Variants in LIFR observed in about 807,000 individuals in gnomAD.
LIFR encodes the protein LIF receptor subunit alpha, also known as leukemia inhibitory factor receptor.
Under a neutral mutation model 122.2 loss-of-function variants are expected in LIFR, and 84 were observed. That is an observed-to-expected ratio of 0.69 (90% CI 0.58 to 0.82). LIFR has a LOEUF of 0.82. Among genes scored for constraint, LIFR ranks in the 40% least tolerant of loss-of-function variants. The pLI is 0.00. For missense variants in LIFR, 1,294 were observed against 1,311.6 expected, an observed-to-expected ratio of 0.99 and a Z score of 0.21; for synonymous variants, 422 against 434.7, an observed-to-expected ratio of 0.97 and a Z score of 0.36.
rs1743913953 is a variant in LIFR, at chr5:38,480,157, C to A, written c.*1438G>T. The A allele has an allele frequency of 1.7e-5, 4 of 228,934 alleles. No homozygotes were observed. Among genetic ancestry groups the A allele is most frequent in the Non-Finnish European group, 3.5e-5 (4 of 115,538 alleles). The allele number at this position is 228,934 out of a possible 1,614,324, so 14.2% of individuals were successfully genotyped here. ...AAAAAAACAAACAAAAAAGACATAT[C>A]TTATTCGGACACTTAAAATTTTCAA... On this transcript the variant is annotated 3_prime_UTR_variant, in exon 20 of 20. Coordinates refer to ENST00000453190, the MANE Select transcript of LIFR (RefSeq NM_001127671.2).
chr5:38,493,039 A>G (rs942118498), intron 14 of LIFR, among the ~76,000 whole-genome samples: 43 of 152,236 alleles, frequency 2.8e-4, no homozygotes, highest in African/African-American at 9.9e-4. Context: ...CATGGAACGC[A>G]AGGCCTCCCA....
chr5:38,522,986 T>C (rs951186172), intron 5 of LIFR, among the ~76,000 whole-genome samples: 2 of 152,176 alleles, frequency 1.3e-5, no homozygotes, highest in African/African-American at 2.4e-5. Flanking sequence ...GGAAAAAGCA[T>C]GTACTGATAA....
chr5:38,567,823 G>C (rs778623269), intron 1 of LIFR, among the ~76,000 whole-genome samples: 1 of 151,884 alleles, frequency 6.6e-6, no homozygotes, highest in Non-Finnish European at 1.5e-5. Context: ...GCCACCACCT[G>C]GCCCAACCAT....
chr5:38,555,309 G>T (rs1162573274), intron 1 of LIFR, among the ~76,000 whole-genome samples: 1 of 152,158 alleles, frequency 6.6e-6, no homozygotes, highest in African/African-American at 2.4e-5. Context: ...TCATGTAAGG[G>T]GAAGGGCAAG....
intron 1 of LIFR, among the ~76,000 whole-genome samples, chr5:38,569,908 C>A (rs1749155165): frequency 6.6e-6 from 1 of 152,132 alleles, no homozygotes; most frequent in African/African-American, 2.4e-5. Flanking sequence ...AGTAATGAGG[C>A]CCTCATCATT....
At chr5:38,604,318 C>T (rs551391436) in intron 2 of LIFR, among the ~76,000 whole-genome samples, 24 of 152,332 alleles carry the variant, frequency 1.6e-4, no homozygotes, top group South Asian at 6.2e-4. Flanking sequence ...AAGGCAGCGT[C>T]TCTGACTTGG....
rs1459780846 is a variant in LIFR at position 38,481,949 on chromosome 5, C to T, written c.2940G>A (p.Met980Ile). The change falls in exon 20 of 20, where the codon ATG becomes ATA. Residue 980 changes from methionine (M) to isoleucine (I), a missense_variant. Met to Ile is a conservative substitution (Grantham distance 10). Coordinates refer to ENST00000453190, the MANE Select transcript of LIFR (RefSeq NM_001127671.2). Reference sequence around the variant, plus strand: ...CTTCTGGTTTTGCTTGAGGCTGATACATCGACTGAACATCAATGTAAATAA... The same window carrying T: ...CTTCTGGTTTTGCTTGAGGCTGATATATCGACTGAACATCAATGTAAATAA... ...AQVIYIDVQSMYQPQAKPEEE... is the reference protein window; with the variant it reads ...AQVIYIDVQSIYQPQAKPEEE... The T allele has an allele frequency of 1.1e-5, 17 of 1,614,156 alleles. No homozygotes were observed. Among genetic ancestry groups the T allele is most frequent in the Non-Finnish European group, 1.4e-5 (17 of 1,180,034 alleles).
At chr5:38,540,254 T>A (rs1436905132) in intron 1 of LIFR, among the ~76,000 whole-genome samples, 2 of 152,204 alleles carry the variant, frequency 1.3e-5, no homozygotes, top group African/African-American at 4.8e-5. Context: ...AACTTACGGT[T>A]GTTTTGTTTT....
At chr5:38,511,769 A>T in intron 6 of LIFR, 21 bp downstream of exon 6, 2 of 1,609,700 alleles carry the variant, frequency 1.2e-6, no homozygotes, top group Non-Finnish European at 1.7e-6. Context: ...TGAAACAAAC[A>T]TTCTTTAAAT....
In LIFR at chr5:38,481,762, C is replaced by G. The variant is rs1003123167; in HGVS notation, c.3127G>C (p.Asp1043His). The change falls in exon 20 of 20, where the codon GAC becomes CAC. Residue 1043 changes from aspartate (D) to histidine (H), a missense_variant. Transcript: ENST00000453190. ...TTGCTGTCTATGGATCTAGGAGAGT[C>G]TGGAGACACTAAATTCCATGTATTT... ...NVNTWNLVSP[D>H]SPRSIDSNSE... 1 of 1,613,966 alleles carries G rather than the reference C, an allele frequency of 6.2e-7. No individual in the cohort carries two copies. Among genetic ancestry groups the G allele is most frequent in the African/African-American group, 1.3e-5 (1 of 74,884 alleles).
intron 14 of LIFR, among the ~76,000 whole-genome samples, chr5:38,493,068 C>T (rs1198619439): frequency 2.0e-5 from 3 of 152,138 alleles, no homozygotes; most frequent in Non-Finnish European, 4.4e-5. Context: ...GCGCTCAGTC[C>T]AGCCGATGCC....
chr5:38,576,285 G>T (rs1243768261), intron 1 of LIFR, among the ~76,000 whole-genome samples: 1 of 152,048 alleles, frequency 6.6e-6, no homozygotes, highest in Non-Finnish European at 1.5e-5. Flanking sequence ...TGCCATCTGT[G>T]GTCAACATCA....
chr5:38,547,331 C>T (rs779166635), intron 1 of LIFR, among the ~76,000 whole-genome samples: 17 of 152,270 alleles, frequency 1.1e-4, no homozygotes, highest in Non-Finnish European at 2.4e-4. Flanking sequence ...ATTTGTTCTT[C>T]CCCTAACTTA....
intron 1 of LIFR, chr5:38,595,009 G>A (rs553374781): frequency 5.4e-6 from 1 of 184,016 alleles, no homozygotes; most frequent in African/African-American, 2.3e-5. Flanking sequence ...TCGTTACAGA[G>A]ACTGAAGACT....
At chr5:38,578,407 T>C (rs1749467377) in intron 1 of LIFR, among the ~76,000 whole-genome samples, 1 of 151,032 alleles carries the variant, frequency 6.6e-6, no homozygotes. Flanking sequence ...GGTTTCTCCA[T>C]GTTGGTCAGG....
chr5:38,559,012 G>C (rs1189878384), upstream of LIFR: 3 of 152,232 alleles, frequency 2.0e-5, no homozygotes, highest in East Asian at 5.8e-4. Context: ...GCTAATTGTG[G>C]TGACAATATA....
chr5:38,481,519 A>T lies in LIFR; in HGVS notation c.*76T>A, dbSNP rs1743981052. 1 of 1,443,878 alleles carries T rather than the reference A, an allele frequency of 6.9e-7. No individual in the cohort carries two copies. 89.4% of individuals were successfully genotyped at this position (1,443,878 alleles called of 1,614,324 possible). A position where few individuals can be genotyped will look rare whatever the true frequency, so the allele number is the denominator to read the frequency against. ...AATACTTCACAGGATCCCTCCAAGAATGCCCAGTGCTGATGTAGCAACACT... is the reference window on the plus strand; with the variant it reads ...AATACTTCACAGGATCCCTCCAAGATTGCCCAGTGCTGATGTAGCAACACT... On this transcript the variant is annotated 3_prime_UTR_variant, in exon 20 of 20. Coordinates refer to ENST00000453190, the MANE Select transcript of LIFR (RefSeq NM_001127671.2).
chr5:38,596,549 C>A (rs377025752), upstream of LIFR, among the ~76,000 whole-genome samples: 1,061 of 150,420 alleles, frequency 7.1e-3, 13 homozygotes, highest in African/African-American at 0.024. Context: ...GGACTAGAGA[C>A]CACACTTTGA....
At chr5:38,506,393 T>C in intron 8 of LIFR, 110 bp downstream of exon 8, 5 of 1,330,450 alleles carry the variant, frequency 3.8e-6, no homozygotes, top group Non-Finnish European at 5.4e-6. Flanking sequence ...GCATATTTGG[T>C]TTTATATCTT....
Sources: allele counts gnomAD v4.1 joint callset (sites outside exome capture counted in the v4.1 genomes callset), GRCh38; gene constraint gnomAD v4.1.1; transcripts MANE v1.5; gene names NCBI Gene and HGNC (gene_info 2026-07-23, HGNC 2026-07-21).